RAB11FIP5: variants seen among roughly 807,000 people sequenced by gnomAD.
RAB11FIP5 encodes the protein rab11 family-interacting protein 5.
A neutral mutation model predicts 85.1 loss-of-function variants in RAB11FIP5; 48 were observed. The observed-to-expected ratio is 0.56, with a 90% CI of 0.45 to 0.72. The LOEUF is 0.72. Ranked by LOEUF, RAB11FIP5 falls within the 30% of genes least tolerant of loss-of-function variation. The pLI is 0.00. For synonymous variants in RAB11FIP5, 729 were observed against 727.3 expected (o/e 1.00, Z -0.04); for missense variants, 1,491 against 1,687.0 (o/e 0.88, Z 2.04).
chr2:73,074,805 G>A lies in RAB11FIP5; in HGVS notation c.*716C>T, dbSNP rs959539044. On this transcript the variant is annotated 3_prime_UTR_variant, in exon 6 of 6. Transcript: ENST00000486777. Reference sequence around the variant, plus strand: ...GCAAAAAGGTGCTCTCTCCGCACCCGCCCCTGCGCCCCACACATTCCCATG... The same window carrying A: ...GCAAAAAGGTGCTCTCTCCGCACCCACCCCTGCGCCCCACACATTCCCATG... 7.0e-5 allele frequency: 14 copies of A among 201,014 alleles called. No individual in the cohort carries two copies. Among genetic ancestry groups the A allele is most frequent in the Non-Finnish European group, 3.1e-5 (3 of 96,584 alleles). The allele number at this position is 201,014 out of a possible 1,614,324, so 12.5% of individuals were successfully genotyped here. A position where few individuals can be genotyped will look rare whatever the true frequency, so the allele number is the denominator to read the frequency against.
rs1022811627 is a variant in RAB11FIP5, at chr2:73,075,286, A to G, written c.*235T>C. On this transcript the variant is annotated 3_prime_UTR_variant, in exon 6 of 6. Transcript: ENST00000486777. The surrounding 1 kb of genome is among the most constrained non-coding windows in gnomAD (Gnocchi z 4.6). ...AAAGCTGAGGGATATGAAAACAGGCAGGTGGGAAAGACCCAGGGCTCCCAA... is the reference window on the plus strand; with the variant it reads ...AAAGCTGAGGGATATGAAAACAGGCGGGTGGGAAAGACCCAGGGCTCCCAA... 2 of 701,022 alleles carry G rather than the reference A, an allele frequency of 2.9e-6. No individual in the cohort carries two copies. The highest frequency in any genetic ancestry group is 5.2e-6 in the Non-Finnish European group (2 of 384,610). The allele number at this position is 701,022 out of a possible 1,614,324, so 43.4% of individuals were successfully genotyped here.
intron 1 of RAB11FIP5, among the ~76,000 whole-genome samples, chr2:73,109,550 T>C (rs1684600944): frequency 6.6e-6 from 1 of 152,204 alleles, no homozygotes; most frequent in Non-Finnish European, 1.5e-5. Flanking sequence ...TTTTAAGCCC[T>C]GGGCCATCCT....
chr2:73,110,872 T>TG (rs1305209804), intron 1 of RAB11FIP5, among the ~76,000 whole-genome samples: 2 of 151,982 alleles, frequency 1.3e-5, no homozygotes, highest in Non-Finnish European at 2.9e-5. Flanking sequence ...GGTGAAGGAC[T>TG]GGGGGAAGGG....
chr2:73,111,652 C>T (rs967504398), intron 1 of RAB11FIP5, among the ~76,000 whole-genome samples: 5 of 152,166 alleles, frequency 3.3e-5, no homozygotes, highest in Non-Finnish European at 5.9e-5. Flanking sequence ...CTGCCTCTAC[C>T]TCAGGCAGGG....
At position 73,088,228 on chromosome 2, in the gene RAB11FIP5, G is replaced by A; in HGVS notation, c.1390C>T (p.Leu464Phe). 6.2e-7 allele frequency: 1 copy of A among 1,613,912 alleles called. No individual in the cohort carries two copies. The highest frequency in any genetic ancestry group is 1.1e-5 in the South Asian group (1 of 91,086). Residue 464 changes from leucine (L) to phenylalanine (F), a missense_variant, in exon 3 of 6, where the codon CTC (leucine) becomes TTC (phenylalanine). Coordinates refer to ENST00000486777, the MANE Select transcript of RAB11FIP5 (RefSeq NM_001371272.1). ...AGGCCTTGGTGGTGGTGGTGGAAGA[G>A]ACCCATCCGGGGCTTGCGTTCCTCC... Reference protein sequence around the residue: ...RKEERKPRMGLFHHHHQGLSR... With the variant: ...RKEERKPRMGFFHHHHQGLSR...
chr2:73,075,677 G>A lies in RAB11FIP5; in HGVS notation c.3819C>T (p.His1273=), dbSNP rs201443945. Residue 1273 remains histidine, a synonymous_variant, in exon 6 of 6, where the codon CAC becomes CAT. Transcript: ENST00000486777. The surrounding 1 kb of genome is among the most constrained non-coding windows in gnomAD (Gnocchi z 4.6). Reference sequence around the variant, plus strand: ...GCAGGAGCAGGCTGATGAGCTCATCGTGGGTCAGGTGGTAGTACTTGGCCG... The same window carrying A: ...GCAGGAGCAGGCTGATGAGCTCATCATGGGTCAGGTGGTAGTACTTGGCCG... ...DQSAKYYHLT[H]DELISLLLQR... 100 of 1,613,106 alleles carry A rather than the reference G, an allele frequency of 6.2e-5. 1 individual carries two copies. The East Asian group carries it at 1.1e-3, about 18-fold the overall frequency.
Position 73,088,157 on chromosome 2 carries a change from C to A in RAB11FIP5, c.1461G>T (p.Gly487=). ...LGRRSSLGEK[G]GPILGASPHH... ...GTGGGGAGGCCCCCAGGATGGGACC[C>A]CCCTTTTCCCCCAGAGAGCTTCGGC... Residue 487 remains glycine, a synonymous_variant, in exon 3 of 6, where the codon GGG becomes GGT. Transcript: ENST00000486777. The A allele has an allele frequency of 6.2e-7, 1 of 1,614,074 alleles. No individual in the cohort carries two copies. Among genetic ancestry groups the A allele is most frequent in the Non-Finnish European group, 8.5e-7 (1 of 1,180,022 alleles).
rs768020761 is a variant in RAB11FIP5 at position 73,088,582 on chromosome 2, C to T, written c.1036G>A (p.Glu346Lys). ...LCVNGSHIYN[E>K]EPQGPVRHRS... ...TGCCGCACAGGGCCCTGGGGCTCCT[C>T]ATTGTAAATGTGGCTCCCATTGACA... The change falls in exon 3 of 6, where the codon GAG (glutamate) becomes AAG (lysine). Residue 346 changes from glutamate (E) to lysine (K), a missense_variant. Around this residue, in one of 3 missense-constraint regions of RAB11FIP5, gnomAD observed 1,211 missense variants for 1,338.0 expected, o/e 0.91. Coordinates refer to ENST00000486777, the MANE Select transcript of RAB11FIP5 (RefSeq NM_001371272.1). 6.2e-7 allele frequency: 1 copy of T among 1,613,650 alleles called. No homozygotes were observed. Among genetic ancestry groups the T allele is most frequent in the East Asian group, 2.2e-5 (1 of 44,886 alleles).
intron 1 of RAB11FIP5, among the ~76,000 whole-genome samples, chr2:73,109,242 G>A (rs1684595992): frequency 6.6e-6 from 1 of 152,072 alleles, no homozygotes; most frequent in Non-Finnish European, 1.5e-5. Context: ...GAAGCCTCTG[G>A]TGAAATTCCT....
intron 1 of RAB11FIP5, among the ~76,000 whole-genome samples, chr2:73,090,479 C>G (rs1184383806): frequency 6.6e-6 from 1 of 152,108 alleles, no homozygotes; most frequent in African/African-American, 2.4e-5. Flanking sequence ...TCATGATTGC[C>G]AAAACTTGGA....
chr2:73,075,430 G>C lies in RAB11FIP5; in HGVS notation c.*91C>G, dbSNP rs1354319834. The C allele has an allele frequency of 1.6e-6, 2 of 1,282,604 alleles. No individual in the cohort carries two copies. The highest frequency in any genetic ancestry group is 2.9e-5 in the African/African-American group (2 of 68,576). 79.5% of individuals were successfully genotyped at this position (1,282,604 alleles called of 1,614,324 possible). A position where few individuals can be genotyped will look rare whatever the true frequency, so the allele number is the denominator to read the frequency against. On this transcript the variant is annotated 3_prime_UTR_variant, in exon 6 of 6. Coordinates refer to ENST00000486777, the MANE Select transcript of RAB11FIP5 (RefSeq NM_001371272.1). The surrounding 1 kb of genome is among the most constrained non-coding windows in gnomAD (Gnocchi z 4.6). ...CAAGGAGTGACAAGGCAAGACAGAC[G>C]ATGCCCCACTGCAGATGAGAGAGTT...
In RAB11FIP5 at chr2:73,080,756, C is replaced by T. The variant is rs1027616152; in HGVS notation, c.2476G>A (p.Val826Ile). The T allele has an allele frequency of 5.7e-6, 7 of 1,232,462 alleles. No homozygotes were observed. The highest frequency in any genetic ancestry group is 4.2e-5 in the Admixed American group (1 of 23,706). The allele number at this position is 1,232,462 out of a possible 1,614,324, so 76.3% of individuals were successfully genotyped here. The stretch of plus-strand genomic sequence containing the variant: ...GGCCAGGCATCATCAGCTGTCTCGA[C>T]GTCAGGGCAAAGCTGATTTTCGCCT... ...SRGENQLCPD[V>I]ETADDAWPWD... The change falls in exon 4 of 6, where the codon GTC becomes ATC. Residue 826 changes from valine to isoleucine, a missense_variant. Around this residue, in one of 3 missense-constraint regions of RAB11FIP5, gnomAD observed 1,211 missense variants for 1,338.0 expected, o/e 0.91. Coordinates refer to ENST00000486777, the MANE Select transcript of RAB11FIP5 (RefSeq NM_001371272.1).
chr2:73,107,040 C>A (rs1215125518), intron 1 of RAB11FIP5, among the ~76,000 whole-genome samples: 1 of 152,220 alleles, frequency 6.6e-6, no homozygotes, highest in Non-Finnish European at 1.5e-5. Flanking sequence ...CCTCTCCTCT[C>A]TGGCCACCAT....
rs1218016834 is a variant in RAB11FIP5 at position 73,088,895 on chromosome 2, C to T, written c.852G>A (p.Trp284Ter). The T allele has an allele frequency of 6.3e-7, 1 of 1,579,904 alleles. No homozygotes were observed. Among genetic ancestry groups the T allele is most frequent in the Non-Finnish European group, 8.6e-7 (1 of 1,162,784 alleles). Reference protein sequence around the residue: ...LLTRSPSRSSWLSTEGGRDSA... With the variant: ...LLTRSPSRSS ...CTTGCTCACCCCCTTCAGTGGACAGCCAGCTGCTACGGCTTGGTGAGCGGG... is the reference window on the plus strand; with the variant it reads ...CTTGCTCACCCCCTTCAGTGGACAGTCAGCTGCTACGGCTTGGTGAGCGGG... Residue 284 changes from tryptophan (W) to a stop codon, truncating the protein, a stop_gained, in exon 2 of 6, where the codon TGG (tryptophan) becomes TGA (stop). Coordinates refer to ENST00000486777, the MANE Select transcript of RAB11FIP5 (RefSeq NM_001371272.1). LOFTEE classifies it high-confidence loss of function.
chr2:73,075,896 G>T lies in RAB11FIP5; in HGVS notation c.3771+97C>A. On this transcript the variant is annotated intron_variant, in intron 5 of 5. Coordinates refer to ENST00000486777, the MANE Select transcript of RAB11FIP5 (RefSeq NM_001371272.1). The surrounding 1 kb of genome is among the most constrained non-coding windows in gnomAD (Gnocchi z 4.6). ...CTGGCTTCAGGACTCTGATATGGGG[G>T]ACCTGGCCTGCTCCCTGCCCCACCC... 6.7e-7 allele frequency: 1 copy of T among 1,483,880 alleles called. No individual in the cohort carries two copies. The highest frequency in any genetic ancestry group is 9.2e-7 in the Non-Finnish European group (1 of 1,090,178). 91.9% of individuals were successfully genotyped at this position (1,483,880 alleles called of 1,614,324 possible).
At position 73,089,347 on chromosome 2, in the gene RAB11FIP5, T is replaced by C. The variant is rs758614869; in HGVS notation, c.432-32A>G. On this transcript the variant is annotated intron_variant, in intron 1 of 5. Transcript: ENST00000486777. The surrounding 1 kb of genome is among the most constrained non-coding windows in gnomAD (Gnocchi z 4.6). Reference sequence around the variant, plus strand: ...GAAGAGGGGAGCAGGCAGAACTCAGTCACGGGCCCAGGGAGCCTGGCTCCC... The same window carrying C: ...GAAGAGGGGAGCAGGCAGAACTCAGCCACGGGCCCAGGGAGCCTGGCTCCC... 12 of 1,607,358 alleles carry C rather than the reference T, an allele frequency of 7.5e-6. No individual in the cohort carries two copies. The South Asian group carries it at 1.1e-4, about 15-fold the overall frequency.
intron 1 of RAB11FIP5, among the ~76,000 whole-genome samples, chr2:73,100,886 C>T (rs1000414812): frequency 2.6e-5 from 4 of 152,198 alleles, no homozygotes; most frequent in African/African-American, 9.6e-5. Context: ...CTCACTGCAA[C>T]CTACGCCAGC....
At chr2:73,108,706 G>C (rs531860618) in intron 1 of RAB11FIP5, among the ~76,000 whole-genome samples, 1 of 152,338 alleles carries the variant, frequency 6.6e-6, no homozygotes, top group African/African-American at 2.4e-5. Context: ...TCCCTGTCTT[G>C]GGAGTTAGGG....
At chr2:73,085,761 C>T (rs1574296072) in intron 3 of RAB11FIP5, among the ~76,000 whole-genome samples, 2 of 152,170 alleles carry the variant, frequency 1.3e-5, no homozygotes, top group Admixed American at 6.5e-5. Flanking sequence ...ATACTCAACA[C>T]GTTCAGCCCC....
Sources: gnomAD v4.1 joint callset for allele counts (sites outside exome capture counted in the v4.1 genomes callset) on GRCh38, gnomAD v4.1.1 for gene constraint, gnomAD v4.1.1 regional missense constraint, Gnocchi (gnomAD v3.1) non-coding constraint, MANE v1.5 for transcripts, NCBI Gene and HGNC (gene_info 2026-07-23, HGNC 2026-07-21) for gene names.